The following UTRN variants were observed in gnomAD, a reference collection of about 807,000 sequenced individuals.
UTRN encodes utrophin.
In UTRN, 283 loss-of-function variants were observed where a neutral mutation model predicts 463.9. That is an observed-to-expected ratio of 0.61 (90% CI 0.55 to 0.67). UTRN has a LOEUF of 0.67. UTRN is among the 30% of genes least tolerant of loss of function. The probability of loss-of-function intolerance (pLI) is 0.00; values close to 1 mark genes in which losing one functional copy is unlikely to be tolerated. For synonymous variants in UTRN, 1,442 were observed against 1,431.5 expected, an observed-to-expected ratio of 1.01 and a Z score of -0.17; for missense variants, 3,922 against 4,084.3, an observed-to-expected ratio of 0.96 and a Z score of 1.08.
chr6:144,310,888 TTGAC>T (rs1264872189), intron 2 of UTRN, among the ~76,000 whole-genome samples: 1 of 152,262 alleles, frequency 6.6e-6, no homozygotes, highest in Non-Finnish European at 1.5e-5. Context: ...ATGTCAGCCT[TTGAC>T]TGTGTTTCCC....
chr6:144,769,285 TAAA>T lies in UTRN; in HGVS notation c.8496-2614_8496-2612del, dbSNP rs369228768. Among the ~76,000 whole-genome samples, 30 of 149,130 alleles carry T rather than the reference TAAA, an allele frequency of 2.0e-4. No homozygotes were observed. The Middle Eastern group carries it at 0.017, about 86-fold the overall frequency. ...TTTGCTTTAACCCTCTCCCCCGACT[TAAA>T]AAAAAAACAGCAGCCAACTGCATTG... On this transcript the variant is annotated intron_variant, in intron 58 of 74. Coordinates refer to ENST00000367545, the MANE Select transcript of UTRN (RefSeq NM_007124.3).
At chr6:144,697,076 CTT>C (rs765710526) in intron 52 of UTRN, among the ~76,000 whole-genome samples, 9 of 151,994 alleles carry the variant, frequency 5.9e-5, no homozygotes, top group Non-Finnish European at 1.0e-4. Flanking sequence ...CTTAAAAATA[CTT>C]ATAGAGTTGT....
At chr6:144,486,399 T>C (rs1792454851) in intron 28 of UTRN, among the ~76,000 whole-genome samples, 1 of 152,228 alleles carries the variant, frequency 6.6e-6, no homozygotes, top group South Asian at 2.1e-4. Context: ...AAGAAAAGTA[T>C]AAAGCAAACT....
chr6:144,342,653 G>A (rs1216409769), intron 2 of UTRN, among the ~76,000 whole-genome samples: 1 of 152,180 alleles, frequency 6.6e-6, no homozygotes, highest in East Asian at 1.9e-4. Flanking sequence ...TCTTTTATAT[G>A]AAATGTACAG....
In UTRN at chr6:144,793,873, A is replaced by T. The variant is rs35443721; in HGVS notation, c.8960A>T (p.Asp2987Val). 1,019 of 1,614,102 alleles carry T rather than the reference A, an allele frequency of 6.3e-4. 4 individuals are homozygous for T. The African/African-American group carries it at 0.013, about 20-fold the overall frequency. The change falls in exon 63 of 75, where the codon GAC becomes GTC. Residue 2987 changes from aspartate to valine, a missense_variant. Transcript: ENST00000367545. Reference sequence around the variant, plus strand: ...GTTGCAGGGCCAACAGAAATGTGTGACCAGAGGCAGCTGGGCCTGTTACTT... The same window carrying T: ...GTTGCAGGGCCAACAGAAATGTGTGTCCAGAGGCAGCTGGGCCTGTTACTT... ...KEVAGPTEMC[D>V]QRQLGLLLHD...
rs184143230 is a variant in UTRN, at chr6:144,618,899, A to G, written c.7479+41611A>G. ...AATATTTAAAATGATATATTTAGGT[A>G]TAGTATTTAACAACTTTTATGTTCC... On this transcript the variant is annotated intron_variant, in intron 51 of 74. Coordinates refer to ENST00000367545, the MANE Select transcript of UTRN (RefSeq NM_007124.3). 3.6e-3 allele frequency among the ~76,000 whole-genome samples: 552 copies of G among 152,260 alleles called. 1 individual carries two copies. The highest frequency in any genetic ancestry group is 0.013 in the African/African-American group (535 of 41,576).
chr6:144,322,518 C>A (rs1452386679), intron 2 of UTRN, among the ~76,000 whole-genome samples: 1 of 152,152 alleles, frequency 6.6e-6, no homozygotes, highest in Admixed American at 6.5e-5. Context: ...GACTCATCAC[C>A]AAGAGCTTCT....
intron 51 of UTRN, among the ~76,000 whole-genome samples, chr6:144,648,657 T>C (rs569952296): frequency 1.3e-5 from 2 of 152,240 alleles, no homozygotes; most frequent in African/African-American, 4.8e-5. Context: ...ATCTGCAGGG[T>C]AACTTGGGAT....
intron 62 of UTRN, among the ~76,000 whole-genome samples, chr6:144,793,564 T>C (rs1041651576): frequency 1.3e-5 from 2 of 152,262 alleles, no homozygotes; most frequent in African/African-American, 4.8e-5. Flanking sequence ...TTATATTATA[T>C]ATGCATGATT....
At chr6:144,304,530 G>C (rs1805544177) in intron 2 of UTRN, among the ~76,000 whole-genome samples, 1 of 152,184 alleles carries the variant, frequency 6.6e-6, no homozygotes, top group Non-Finnish European at 1.5e-5. Flanking sequence ...TGAGCTCACG[G>C]GAGTGGTACC....
intron 33 of UTRN, among the ~76,000 whole-genome samples, chr6:144,494,088 A>T (rs1055614863): frequency 2.0e-5 from 3 of 152,222 alleles, no homozygotes; most frequent in African/African-American, 7.2e-5. Flanking sequence ...TTCTAAGGAT[A>T]CTACAAGTAA....
intron 6 of UTRN, 91 bp from the exon 7 acceptor site, chr6:144,426,196 G>A (rs971589861): frequency 2.7e-6 from 4 of 1,464,434 alleles, no homozygotes; most frequent in Non-Finnish European, 3.7e-6. Context: ...GTTAATTAGT[G>A]CAATATTGCT....
chr6:144,288,288 CATT>C (rs1406944172), intron 1 of UTRN, among the ~76,000 whole-genome samples: 6 of 152,164 alleles, frequency 3.9e-5, no homozygotes, highest in Non-Finnish European at 7.4e-5. Flanking sequence ...GCAAGTGAAA[CATT>C]ATAGTGAAGA....
chr6:144,490,788 G>T, intron 31 of UTRN, 141 bp from the exon 32 acceptor site: 1 of 903,532 alleles, frequency 1.1e-6, no homozygotes. Context: ...GATTCATTAG[G>T]AGTTTTTTAT....
chr6:144,660,461 C>T (rs1479772712), intron 51 of UTRN, among the ~76,000 whole-genome samples: 1 of 151,966 alleles, frequency 6.6e-6, no homozygotes, highest in Non-Finnish European at 1.5e-5. Flanking sequence ...CAATTACTTC[C>T]TTTGGTCAGG....
At chr6:144,515,309 A>G (rs1795519269) in intron 37 of UTRN, among the ~76,000 whole-genome samples, 1 of 152,238 alleles carries the variant, frequency 6.6e-6, no homozygotes, top group Admixed American at 6.5e-5. Flanking sequence ...ACAAGCAATT[A>G]GTATTGAAGA....
intron 3 of UTRN, among the ~76,000 whole-genome samples, chr6:144,420,569 T>C (rs1407291049): frequency 2.0e-5 from 3 of 152,150 alleles, no homozygotes; most frequent in Non-Finnish European, 4.4e-5. Context: ...TCTGTGGGAG[T>C]TGATGCTATT....
At position 144,810,304 on chromosome 6, in the gene UTRN, G is replaced by A. The variant is rs147178051; in HGVS notation, c.9357+7157G>A. On this transcript the variant is annotated intron_variant, in intron 65 of 74. Transcript: ENST00000367545. ...TGGAGGTAGTGTGTCCTGAACCCTT[G>A]CCAAGTGTAAACATCCTTTTCTCTT... Among the ~76,000 whole-genome samples the A allele has an allele frequency of 4.1e-4, 63 of 152,208 alleles. No homozygotes were observed. The East Asian group carries it at 0.011, about 27-fold the overall frequency.
chr6:144,605,654 C>A (rs922408127), intron 51 of UTRN, among the ~76,000 whole-genome samples: 1 of 148,424 alleles, frequency 6.7e-6, no homozygotes, highest in East Asian at 2.0e-4. Flanking sequence ...ATCTCAGAAT[C>A]TGTTAACTTC....
Sources: gnomAD v4.1 joint callset for allele counts (sites outside exome capture counted in the v4.1 genomes callset) on GRCh38, gnomAD v4.1.1 for gene constraint, MANE v1.5 for transcripts, NCBI Gene and HGNC (gene_info 2026-07-23, HGNC 2026-07-21) for gene names.